The following FAT3 variants were observed in gnomAD, a reference collection of about 807,000 sequenced individuals.
FAT3 encodes the protein protocadherin Fat 3.
Under a neutral mutation model 310.2 loss-of-function variants are expected in FAT3, and 95 were observed. The ratio of observed to expected loss-of-function variants is 0.31; its 90% CI spans 0.26 to 0.36. The LOEUF (loss-of-function observed/expected upper bound fraction) is 0.36, where lower values mean the gene tolerates loss of function less well. Ranked by LOEUF, FAT3 falls within the 10% of genes least tolerant of loss-of-function variation. The pLI is 1.00. For synonymous variants in FAT3, 2,314 were observed against 2,192.9 expected (o/e 1.06, Z -1.54); for missense variants, 5,408 against 5,715.6 (o/e 0.95, Z 1.74).
At chr11:92,779,240 A>C (rs1240634351) in intron 7 of FAT3, among the ~76,000 whole-genome samples, 1 of 152,156 alleles carries the variant, frequency 6.6e-6, no homozygotes, top group African/African-American at 2.4e-5. Context: ...CCAAACATAA[A>C]GTAGCACTAC....
At chr11:92,355,962 G>A (rs1460211850) in intron 2 of FAT3, among the ~76,000 whole-genome samples, 1 of 151,988 alleles carries the variant, frequency 6.6e-6, no homozygotes, top group African/African-American at 2.4e-5. Context: ...TTCTACAAAT[G>A]TTTTCTTAAT....
chr11:92,547,116 A>G (rs950457625), intron 3 of FAT3, among the ~76,000 whole-genome samples: 6 of 152,178 alleles, frequency 3.9e-5, no homozygotes, highest in Admixed American at 6.5e-5. Context: ...GCTTCTCCCA[A>G]GAAAGCAGGG....
rs753190085 is a variant in FAT3, at chr11:92,801,505, C to T, written c.8492C>T (p.Thr2831Ile). 6.2e-7 allele frequency: 1 copy of T among 1,611,840 alleles called. No homozygotes were observed. Among genetic ancestry groups the T allele is most frequent in the East Asian group, 2.2e-5 (1 of 44,768 alleles). The change falls in exon 10 of 28, where the codon ACC becomes ATC. Residue 2831 changes from threonine to isoleucine, a missense_variant. By Grantham distance (89) the Thr-to-Ile change is moderately conservative. Around this residue, in one of 5 missense-constraint regions of FAT3, gnomAD observed 4,588 missense variants for 4,809.8 expected, o/e 0.95. Transcript: ENST00000525166. ...ATAATGGAAGGGATGCCTGTTGGCA[C>T]CAAACTCACACAAGTGAGAGCTATT... ...TIIMEGMPVG[T>I]KLTQVRAIDM...
Position 92,799,924 on chromosome 11 carries a change from C to G in FAT3, c.6911C>G (p.Thr2304Arg). ...CTATCAGAAGCATCTCTTATTGGGACACCTGTTTTACAAGTTGTCTCTATT... is the reference window on the plus strand; with the variant it reads ...CTATCAGAAGCATCTCTTATTGGGAGACCTGTTTTACAAGTTGTCTCTATT... ...TTLSEASLIGTPVLQVVSIDA... is the reference protein window; with the variant it reads ...TTLSEASLIGRPVLQVVSIDA... The change falls in exon 10 of 28, where the codon ACA becomes AGA. Residue 2304 changes from threonine to arginine, a missense_variant. Transcript: ENST00000525166. 1.2e-6 allele frequency: 2 copies of G among 1,612,726 alleles called. No individual in the cohort carries two copies. Among genetic ancestry groups the G allele is most frequent in the Non-Finnish European group, 1.7e-6 (2 of 1,179,280 alleles).
At chr11:92,277,824 C>A (rs1464446032) in intron 1 of FAT3, among the ~76,000 whole-genome samples, 3 of 151,886 alleles carry the variant, frequency 2.0e-5, no homozygotes, top group African/African-American at 7.3e-5. Context: ...TTGTAACAAA[C>A]CTGTACATGT....
At chr11:92,529,065 C>T (rs1488431942) in intron 3 of FAT3, among the ~76,000 whole-genome samples, 4 of 152,146 alleles carry the variant, frequency 2.6e-5, no homozygotes. Context: ...TTGATCTAGA[C>T]CCCAGGTGTC....
chr11:92,655,308 C>T (rs1423638704), intron 3 of FAT3, among the ~76,000 whole-genome samples: 2 of 152,092 alleles, frequency 1.3e-5, no homozygotes, highest in Non-Finnish European at 2.9e-5. Flanking sequence ...TTTTGATACA[C>T]TCTGTATTTC....
At chr11:92,781,881 T>A (rs1166363790) in intron 7 of FAT3, among the ~76,000 whole-genome samples, 1 of 152,224 alleles carries the variant, frequency 6.6e-6, no homozygotes, top group Non-Finnish European at 1.5e-5. Flanking sequence ...TGTATGGCTA[T>A]TATTGTTATT....
At chr11:92,464,459 T>G (rs1247993174) in intron 2 of FAT3, among the ~76,000 whole-genome samples, 2 of 152,218 alleles carry the variant, frequency 1.3e-5, no homozygotes, top group African/African-American at 4.8e-5. Context: ...TAGGGTAATT[T>G]GGGGCTTCCC....
At position 92,800,266 on chromosome 11, in the gene FAT3, C is replaced by T; in HGVS notation, c.7253C>T (p.Ala2418Val). The T allele has an allele frequency of 6.2e-7, 1 of 1,613,928 alleles. No individual in the cohort carries two copies. The highest frequency in any genetic ancestry group is 8.5e-7 in the Non-Finnish European group (1 of 1,179,840). The change falls in exon 10 of 28, where the codon GCC becomes GTC. Residue 2418 changes from alanine to valine, a missense_variant. Coordinates refer to ENST00000525166, the MANE Select transcript of FAT3 (RefSeq NM_001367949.2). ...PRGHFVTCVQ[A>V]SDADSSDFDR... The stretch of plus-strand genomic sequence containing the variant: ...GGCCATTTTGTAACCTGTGTACAAG[C>T]CTCTGATGCAGACAGCTCTGATTTT...
At chr11:92,658,218 A>G (rs1942648287) in intron 3 of FAT3, among the ~76,000 whole-genome samples, 1 of 152,236 alleles carries the variant, frequency 6.6e-6, no homozygotes, top group African/African-American at 2.4e-5. Context: ...CATGAAATTT[A>G]CAGTTGGAAA....
intron 4 of FAT3, among the ~76,000 whole-genome samples, chr11:92,749,291 G>A (rs1441650915): frequency 6.6e-6 from 1 of 150,892 alleles, no homozygotes; most frequent in Non-Finnish European, 1.5e-5. Flanking sequence ...TACACAAATA[G>A]GCACACACAC....
intron 24 of FAT3, 91 bp from the exon 25 acceptor site, chr11:92,886,909 G>A (rs1333109417): frequency 4.0e-6 from 4 of 1,005,588 alleles, no homozygotes; most frequent in Non-Finnish European, 4.5e-6. Context: ...AGTGCCTCGA[G>A]AAGTGAACTA....
At chr11:92,311,083 CAT>C (rs1350106685) in intron 1 of FAT3, among the ~76,000 whole-genome samples, 4 of 151,528 alleles carry the variant, frequency 2.6e-5, no homozygotes, top group African/African-American at 4.8e-5. Context: ...TACACACACA[CAT>C]ATATGTATAT....
chr11:92,459,545 TG>T (rs578098281), intron 2 of FAT3, among the ~76,000 whole-genome samples: 11 of 152,350 alleles, frequency 7.2e-5, no homozygotes, highest in African/African-American at 2.6e-4. Flanking sequence ...TAAACTCCTC[TG>T]GTTCTTCACA....
At chr11:92,661,894 T>C (rs535476016) in intron 3 of FAT3, among the ~76,000 whole-genome samples, 114 of 152,238 alleles carry the variant, frequency 7.5e-4, no homozygotes, top group African/African-American at 2.6e-3. Context: ...TTGTGTTTTG[T>C]TGGAGAGCCA....
intron 2 of FAT3, among the ~76,000 whole-genome samples, chr11:92,471,914 GCTATATATATATATATATAT>G (rs1307541254): frequency 2.5e-4 from 16 of 62,930 alleles, no homozygotes; most frequent in African/African-American, 7.7e-4. Flanking sequence ...CTTTTCATAT[GCTATATATATATATATATAT>G]ATATATATAT....
At position 92,773,924 on chromosome 11, in the gene FAT3, C is replaced by T. The variant is rs1946525011; in HGVS notation, c.4196-117C>T. The T allele has an allele frequency of 1.2e-5, 12 of 1,013,438 alleles. 1 individual carries two copies. The South Asian group carries it at 1.7e-4, about 14-fold the overall frequency. 62.8% of individuals were successfully genotyped at this position (1,013,438 alleles called of 1,614,324 possible). ...CCATTTAAGATGTACAAAATTGAGC[C>T]ATAGGGATGCCTGTCAAAAAAAATT... is the stretch of plus-strand genomic sequence containing the variant. On this transcript the variant is annotated intron_variant, in intron 6 of 27. Transcript: ENST00000525166.
intron 19 of FAT3, among the ~76,000 whole-genome samples, chr11:92,845,842 C>A (rs1462035730): frequency 6.6e-6 from 1 of 152,128 alleles, no homozygotes; most frequent in East Asian, 1.9e-4. Flanking sequence ...AGAATGAGCT[C>A]ATCACAGGGA....
Sources: gnomAD v4.1 joint callset for allele counts (sites outside exome capture counted in the v4.1 genomes callset) on GRCh38, gnomAD v4.1.1 for gene constraint, gnomAD v4.1.1 regional missense constraint, MANE v1.5 for transcripts, NCBI Gene and HGNC (gene_info 2026-07-23, HGNC 2026-07-21) for gene names.